GUCY1A2: variants seen among roughly 807,000 people sequenced by gnomAD.
GUCY1A2 encodes guanylate cyclase soluble subunit alpha-2.
Under a neutral mutation model 63.5 loss-of-function variants are expected in GUCY1A2, and 27 were observed. That is an observed-to-expected ratio of 0.43 (90% CI 0.31 to 0.59). The LOEUF (loss-of-function observed/expected upper bound fraction) is 0.59, where lower values mean the gene tolerates loss of function less well. GUCY1A2 is among the 20% of genes least tolerant of loss of function. The pLI is 0.11. For missense variants in GUCY1A2, 768 were observed against 913.3 expected, an observed-to-expected ratio of 0.84 and a Z score of 2.05; for synonymous variants, 364 against 343.5, an observed-to-expected ratio of 1.06 and a Z score of -0.66.
intron 3 of GUCY1A2, among the ~76,000 whole-genome samples, chr11:106,958,379 A>T (rs1462243286): frequency 1.3e-5 from 2 of 152,290 alleles, no homozygotes; most frequent in East Asian, 3.9e-4. Flanking sequence ...CAGTAATTAC[A>T]AAATTCCTTC....
chr11:106,962,911 T>C (rs182740734), intron 3 of GUCY1A2, among the ~76,000 whole-genome samples: 154 of 152,030 alleles, frequency 1.0e-3, no homozygotes, highest in Admixed American at 3.7e-3. Flanking sequence ...TGACCTGTTA[T>C]TAATTTAAAA....
chr11:106,992,486 T>G (rs1340519414), intron 1 of GUCY1A2, among the ~76,000 whole-genome samples: 1 of 151,898 alleles, frequency 6.6e-6, no homozygotes, highest in Non-Finnish European at 1.5e-5. Flanking sequence ...CCCGCCTCCA[T>G]GCCCGGCTAA....
chr11:106,736,924 CTT>C (rs200373260), intron 6 of GUCY1A2, among the ~76,000 whole-genome samples: 4,414 of 152,190 alleles, frequency 0.029, 103 homozygotes, highest in South Asian at 0.069. Context: ...CAGACAGTCT[CTT>C]TCATCTGGGG....
chr11:106,863,552 T>C (rs138045295), intron 4 of GUCY1A2, among the ~76,000 whole-genome samples: 8 of 152,304 alleles, frequency 5.3e-5, no homozygotes, highest in Non-Finnish European at 1.2e-4. Context: ...CCTTGTAGTA[T>C]AGTCTGATGT....
intron 4 of GUCY1A2, among the ~76,000 whole-genome samples, chr11:106,930,892 C>A (rs1013906500): frequency 1.3e-5 from 2 of 152,152 alleles, no homozygotes; most frequent in East Asian, 3.9e-4. Context: ...TATGGCCACA[C>A]AGAATATATC....
chr11:106,826,669 G>C (rs1005288263), intron 4 of GUCY1A2: 3 of 1,608,780 alleles, frequency 1.9e-6, no homozygotes, highest in South Asian at 1.1e-5. Flanking sequence ...TGTCACATGA[G>C]CAAACAGTTC....
chr11:106,827,998 A>G (rs1858997581), intron 4 of GUCY1A2: 2 of 712,900 alleles, frequency 2.8e-6, no homozygotes, highest in Non-Finnish European at 5.0e-6. Flanking sequence ...CCTTATCCAG[A>G]GAATCCGACC....
chr11:107,009,270 G>GA lies in GUCY1A2; in HGVS notation c.303+8482dup, dbSNP rs971886897. On this transcript the variant is annotated intron_variant, in intron 1 of 7. Transcript: ENST00000526355. ...TGAACCTCCTATTGTTTTCTTTCTAGAAAAAAAAAATTCTGGCATTCAGAT... is the reference window on the plus strand; with the variant it reads ...TGAACCTCCTATTGTTTTCTTTCTAGAAAAAAAAAAATTCTGGCATTCAGAT... 2.5e-4 allele frequency among the ~76,000 whole-genome samples: 38 copies of GA among 149,758 alleles called. No homozygotes were observed. The South Asian group carries it at 5.7e-3, about 22-fold the overall frequency.
At chr11:106,957,813 G>T (rs1861007086) in intron 3 of GUCY1A2, among the ~76,000 whole-genome samples, 1 of 134,730 alleles carries the variant, frequency 7.4e-6, no homozygotes, top group South Asian at 2.4e-4. Flanking sequence ...CCAACCAAGT[G>T]TTGGGAGCTA....
chr11:106,840,820 A>G (rs752670300), intron 4 of GUCY1A2, among the ~76,000 whole-genome samples: 1 of 151,928 alleles, frequency 6.6e-6, no homozygotes, highest in South Asian at 2.1e-4. Flanking sequence ...CAATTCAGCT[A>G]TTTTCTTAAA....
intron 1 of GUCY1A2, among the ~76,000 whole-genome samples, chr11:106,999,722 T>C (rs1234213085): frequency 6.6e-6 from 1 of 152,204 alleles, no homozygotes; most frequent in Non-Finnish European, 1.5e-5. Flanking sequence ...TACAATACTT[T>C]TTCCAATTAC....
chr11:106,927,725 C>A (rs749757192), intron 4 of GUCY1A2, among the ~76,000 whole-genome samples: 1 of 151,576 alleles, frequency 6.6e-6, no homozygotes, highest in Non-Finnish European at 1.5e-5. Flanking sequence ...CCACCACGCC[C>A]GGCTAATTTT....
rs185017536 is a variant in GUCY1A2 at position 106,784,824 on chromosome 11, C to T, written c.1693-8242G>A. Reference sequence around the variant, plus strand: ...ATTAATGTTGCAGAGGCTGGAGCTCCGTACTTGTCCTCCATGTGAAGTCAT... The same window carrying T: ...ATTAATGTTGCAGAGGCTGGAGCTCTGTACTTGTCCTCCATGTGAAGTCAT... On this transcript the variant is annotated intron_variant, in intron 5 of 7. Transcript: ENST00000526355. Among the ~76,000 whole-genome samples the T allele has an allele frequency of 5.9e-5, 9 of 152,172 alleles. No individual in the cohort carries two copies. In the East Asian group the frequency reaches 7.8e-4, roughly 13 times the overall value.
intron 6 of GUCY1A2, among the ~76,000 whole-genome samples, chr11:106,712,751 C>T (rs552956383): frequency 6.6e-6 from 1 of 152,212 alleles, no homozygotes; most frequent in South Asian, 2.1e-4. Flanking sequence ...AAGGCAAGAA[C>T]CTTGAGTACT....
chr11:106,812,413 G>T (rs974288775), intron 4 of GUCY1A2, among the ~76,000 whole-genome samples: 4 of 150,648 alleles, frequency 2.7e-5, no homozygotes, highest in Non-Finnish European at 3.0e-5. Flanking sequence ...CTCTTTATTT[G>T]GTGTTTGTCT....
In GUCY1A2 at chr11:106,709,534, TA is replaced by T. The variant is rs1246465354; in HGVS notation, c.1837-869del. Among the ~76,000 whole-genome samples the T allele has an allele frequency of 3.4e-3, 255 of 75,502 alleles. 28 individuals are homozygous for T. Among genetic ancestry groups the T allele is most frequent in the Non-Finnish European group, 4.4e-3 (203 of 46,010 alleles). The allele number at this position is 75,502 out of a possible 152,430, so 49.5% of individuals were successfully genotyped here. On this transcript the variant is annotated intron_variant, in intron 6 of 7. Coordinates refer to ENST00000526355, the MANE Select transcript of GUCY1A2 (RefSeq NM_000855.3). ...TTATTCTATAAATATAATAATAATATAATATATTATATTATTATATAAATAT... is the reference window on the plus strand; with the variant it reads ...TTATTCTATAAATATAATAATAATATATATATTATATTATTATATAAATAT...
chr11:106,675,031 A>T lies in GUCY1A2; in HGVS notation c.*12518T>A, dbSNP rs898937606. Reference sequence around the variant, plus strand: ...GGATATTACTATTAGGATGATATTTAAAGTACTGTTTGGGAAATGAGACCC... The same window carrying T: ...GGATATTACTATTAGGATGATATTTTAAGTACTGTTTGGGAAATGAGACCC... On this transcript the variant is annotated 3_prime_UTR_variant, in exon 8 of 8. Coordinates refer to ENST00000526355, the MANE Select transcript of GUCY1A2 (RefSeq NM_000855.3). The T allele has an allele frequency of 4.7e-6, 1 of 212,502 alleles. No homozygotes were observed. Among genetic ancestry groups the T allele is most frequent in the Non-Finnish European group, 9.5e-6 (1 of 104,846 alleles). 13.2% of individuals were successfully genotyped at this position (212,502 alleles called of 1,614,324 possible). A position where few individuals can be genotyped will look rare whatever the true frequency, so the allele number is the denominator to read the frequency against.
intron 5 of GUCY1A2, among the ~76,000 whole-genome samples, chr11:106,799,762 A>C (rs1168846833): frequency 1.3e-5 from 2 of 152,230 alleles, no homozygotes; most frequent in Non-Finnish European, 1.5e-5. Context: ...AAAGACTTAA[A>C]TGTTAGACCT....
chr11:106,863,952 C>T (rs7128055), intron 4 of GUCY1A2, among the ~76,000 whole-genome samples: 29,223 of 151,858 alleles, frequency 0.19, 3,698 homozygotes, highest in East Asian at 0.38. Flanking sequence ...TATAGGAATG[C>T]TTGTGATTTT....
Sources: gnomAD v4.1 joint callset for allele counts (sites outside exome capture counted in the v4.1 genomes callset) on GRCh38, gnomAD v4.1.1 for gene constraint, MANE v1.5 for transcripts, NCBI Gene and HGNC (gene_info 2026-07-23, HGNC 2026-07-21) for gene names.